CALN1: variants seen among roughly 807,000 people sequenced by gnomAD.
CALN1 encodes the protein calneuron 1.
A neutral mutation model predicts 30.6 loss-of-function variants in CALN1; 17 were observed. The ratio of observed to expected loss-of-function variants is 0.56; its 90% CI spans 0.38 to 0.83. CALN1 has a LOEUF of 0.83. CALN1 is among the 40% of genes least tolerant of loss of function. The pLI is 0.00. For synonymous variants in CALN1, 156 were observed against 131.4 expected, an observed-to-expected ratio of 1.19 and a Z score of -1.28; for missense variants, 291 against 354.9, an observed-to-expected ratio of 0.82 and a Z score of 1.45.
At chr7:72,103,294 G>T in intron 4 of CALN1, 1 of 180,384 alleles carries the variant, frequency 5.5e-6, no homozygotes, top group South Asian at 1.4e-4. Context: ...TGAGTTTGAG[G>T]GTGGTATGAA....
chr7:72,411,170 A>G (rs559788029), intron 1 of CALN1, among the ~76,000 whole-genome samples: 2 of 152,350 alleles, frequency 1.3e-5, no homozygotes, highest in East Asian at 1.9e-4. Context: ...AAAACTATCA[A>G]AAGGAAAAAG....
At chr7:71,805,717 T>C (rs541076154) in intron 6 of CALN1, among the ~76,000 whole-genome samples, 4 of 152,296 alleles carry the variant, frequency 2.6e-5, no homozygotes, top group South Asian at 2.1e-4. Context: ...CAGAATCACA[T>C]AGACCCTATT....
chr7:72,282,538 A>AG (rs1452822917), intron 2 of CALN1, among the ~76,000 whole-genome samples: 52 of 152,214 alleles, frequency 3.4e-4, no homozygotes, highest in Admixed American at 3.4e-3. Context: ...GGAAGGAACT[A>AG]GCAAGGCTCT....
chr7:71,942,927 T>C (rs950114220), intron 5 of CALN1, among the ~76,000 whole-genome samples: 1 of 152,150 alleles, frequency 6.6e-6, no homozygotes, highest in Non-Finnish European at 1.5e-5. Flanking sequence ...CTCAAAAGAA[T>C]GTAACCGTTT....
chr7:72,006,478 T>TA (rs1342441330), intron 5 of CALN1, among the ~76,000 whole-genome samples: 1 of 152,156 alleles, frequency 6.6e-6, no homozygotes, highest in African/African-American at 2.4e-5. Context: ...GCCAATGGAT[T>TA]AAACCACTCT....
chr7:72,359,233 C>T (rs1803414886), intron 2 of CALN1, among the ~76,000 whole-genome samples: 1 of 152,130 alleles, frequency 6.6e-6, no homozygotes, highest in Admixed American at 6.5e-5. Flanking sequence ...TCACTCTTGG[C>T]ACCTTCCTCC....
intron 3 of CALN1, among the ~76,000 whole-genome samples, chr7:72,206,912 G>GT (rs1791926775): frequency 6.6e-6 from 1 of 152,148 alleles, no homozygotes; most frequent in Non-Finnish European, 1.5e-5. Context: ...ATTGAATGAG[G>GT]TAGGTCCCTG....
At chr7:72,159,671 G>A (rs539131995) in intron 3 of CALN1, among the ~76,000 whole-genome samples, 79 of 152,036 alleles carry the variant, frequency 5.2e-4, no homozygotes, top group African/African-American at 1.7e-3. Flanking sequence ...GGTGGTGGGC[G>A]CCTGTGATCC....
chr7:72,187,120 C>CATT (rs1056795622), intron 3 of CALN1, among the ~76,000 whole-genome samples: 4 of 151,856 alleles, frequency 2.6e-5, no homozygotes, highest in South Asian at 2.1e-4. Flanking sequence ...AAGGTATTAT[C>CATT]ATTATTATTA....
rs550695678 is a variant in CALN1, at chr7:72,126,195, A to G, written c.245-19901T>C. 5.3e-5 allele frequency among the ~76,000 whole-genome samples: 8 copies of G among 152,194 alleles called. No individual in the cohort carries two copies. The East Asian group carries it at 1.6e-3, about 30-fold the overall frequency. On this transcript the variant is annotated intron_variant, in intron 3 of 6. Transcript: ENST00000395275. ...TGGTTTTCCATTCCTGAGTTGCTTC[A>G]CTTAGAATAATGGTCTCCAACTCCA...
chr7:72,319,378 A>G (rs1800715757), intron 2 of CALN1, among the ~76,000 whole-genome samples: 1 of 152,202 alleles, frequency 6.6e-6, no homozygotes, highest in African/African-American at 2.4e-5. Context: ...TTGTGCAGGG[A>G]AACTCCCTCT....
chr7:72,213,921 G>A (rs1792587282), intron 3 of CALN1, among the ~76,000 whole-genome samples: 1 of 152,160 alleles, frequency 6.6e-6, no homozygotes, highest in Non-Finnish European at 1.5e-5. Context: ...CGAGGCAAAG[G>A]CGCTGTTGTG....
At chr7:72,259,899 C>A (rs934939751) in intron 3 of CALN1, among the ~76,000 whole-genome samples, 25 of 152,182 alleles carry the variant, frequency 1.6e-4, no homozygotes, top group African/African-American at 4.6e-4. Context: ...ACAACCAATG[C>A]AACCTTTTAA....
At chr7:71,925,861 T>C (rs148773910) in intron 5 of CALN1, among the ~76,000 whole-genome samples, 44 of 150,926 alleles carry the variant, frequency 2.9e-4, no homozygotes, top group African/African-American at 1.0e-3. Context: ...TGGTGCAGTT[T>C]GTTGTTGTTT....
intron 3 of CALN1, among the ~76,000 whole-genome samples, chr7:72,123,143 G>A (rs376173559): frequency 1.4e-4 from 21 of 152,230 alleles, no homozygotes; most frequent in Middle Eastern, 3.4e-3. Flanking sequence ...TCACACATTC[G>A]CTTGACTTCT....
At chr7:72,158,205 CATT>C (rs1490051734) in intron 3 of CALN1, among the ~76,000 whole-genome samples, 1 of 152,172 alleles carries the variant, frequency 6.6e-6, no homozygotes, top group Non-Finnish European at 1.5e-5. Flanking sequence ...ATGTAGTTTA[CATT>C]ATCATGAGAG....
intron 2 of CALN1, among the ~76,000 whole-genome samples, chr7:72,374,004 C>G (rs1804398605): frequency 6.6e-6 from 1 of 152,160 alleles, no homozygotes; most frequent in Non-Finnish European, 1.5e-5. Context: ...ACCAAGAACT[C>G]TATATCCAGT....
At chr7:72,180,795 T>C (rs1191665632) in intron 3 of CALN1, among the ~76,000 whole-genome samples, 2 of 151,792 alleles carry the variant, frequency 1.3e-5, no homozygotes, top group Non-Finnish European at 2.9e-5. Flanking sequence ...TGCCAATCTT[T>C]GGAGTAAAGA....
chr7:72,029,666 A>G (rs1302223100), intron 4 of CALN1, among the ~76,000 whole-genome samples: 1 of 152,190 alleles, frequency 6.6e-6, no homozygotes, highest in Non-Finnish European at 1.5e-5. Context: ...ATCTGCATAA[A>G]AATCCCTAAT....
Sources: gnomAD v4.1 joint callset for allele counts (sites outside exome capture counted in the v4.1 genomes callset) on GRCh38, gnomAD v4.1.1 for gene constraint, MANE v1.5 for transcripts, NCBI Gene and HGNC (gene_info 2026-07-23, HGNC 2026-07-21) for gene names.